CES4A: variants seen among roughly 807,000 people sequenced by gnomAD.
The protein encoded by CES4A is carboxylesterase 6.
Under a neutral mutation model 65.4 loss-of-function variants are expected in CES4A, and 48 were observed. The ratio of observed to expected loss-of-function variants is 0.73; its 90% CI spans 0.58 to 0.93. CES4A has a LOEUF of 0.93. Among genes scored for constraint, CES4A ranks in the 40% least tolerant of loss-of-function variants. The pLI is 0.00. For synonymous variants in CES4A, 247 were observed against 281.8 expected (o/e 0.88, Z 1.24); for missense variants, 685 against 728.5 (o/e 0.94, Z 0.69).
At chr16:66,996,414 T>C (rs1042396548) in intron 2 of CES4A, among the ~76,000 whole-genome samples, 2 of 152,142 alleles carry the variant, frequency 1.3e-5, no homozygotes, top group Non-Finnish European at 2.9e-5. Flanking sequence ...GCTGGGGAGC[T>C]GCGTTTTCCT....
chr16:67,005,314 G>A (rs1201089498), exon 11 of CES4A: 1 of 1,613,992 alleles, frequency 6.2e-7, no homozygotes, highest in African/African-American at 1.3e-5. Flanking sequence ...ACTGGAAGAT[G>A]CTACGAAACC....
At chr16:67,005,462 G>A (rs1396665174) in intron 11 of CES4A, 69 bp downstream of exon 11, 3 of 1,500,306 alleles carry the variant, frequency 2.0e-6, no homozygotes, top group South Asian at 2.4e-5. Flanking sequence ...TTACCAACTG[G>A]GCTTATCGAC....
chr16:67,003,198 G>A lies in CES4A; in HGVS notation c.795+24G>A. On this transcript the variant is annotated intron_variant, in intron 6 of 13. Coordinates refer to ENST00000648724, the Ensembl canonical transcript of CES4A. This position sits in a 1 kb window ranked among gnomAD's most constrained non-coding sequence, Gnocchi z 4.2. ...AGGTGAGTGCCTCTCCTTCCCCAGG[G>A]CTCAGCATGGAAGGGCAGGATGGAA... 2 of 1,612,156 alleles carry A rather than the reference G, an allele frequency of 1.2e-6. No individual in the cohort carries two copies.
In CES4A at chr16:67,001,139, G is replaced by T. The variant is rs982355935; in HGVS notation, c.536+149G>T. On this transcript the variant is annotated intron_variant, in intron 4 of 13. Coordinates refer to ENST00000648724, the Ensembl canonical transcript of CES4A. This position sits in a 1 kb window ranked among gnomAD's most constrained non-coding sequence, Gnocchi z 4.1. ...CTGGCGCTCGGTGGAAGGGGCGGGC[G>T]CTCCATACCATCTGGATGGGGCGAG... 11 of 1,373,366 alleles carry T rather than the reference G, an allele frequency of 8.0e-6. No individual in the cohort carries two copies. The East Asian group carries it at 2.3e-4, about 28-fold the overall frequency. The allele number at this position is 1,373,366 out of a possible 1,614,324, so 85.1% of individuals were successfully genotyped here. A position where few individuals can be genotyped will look rare whatever the true frequency, so the allele number is the denominator to read the frequency against.
At chr16:67,002,033 A>C (rs1479753644) in intron 5 of CES4A, among the ~76,000 whole-genome samples, 1 of 152,232 alleles carries the variant, frequency 6.6e-6, no homozygotes, top group Admixed American at 6.5e-5. Flanking sequence ...TAAGCACCTT[A>C]TGTGTCGTCA....
chr16:66,995,815 C>T, exon 2 of CES4A: 2 of 1,613,696 alleles, frequency 1.2e-6, no homozygotes, highest in Non-Finnish European at 1.7e-6. Context: ...GAGATGCTAC[C>T]ACCTACCCGC....
In CES4A at chr16:67,003,947, G is replaced by A; in HGVS notation, c.940-137G>A. 3.3e-6 allele frequency: 3 copies of A among 906,310 alleles called. No homozygotes were observed. Among genetic ancestry groups the A allele is most frequent in the Non-Finnish European group, 5.2e-6 (3 of 575,678 alleles). 56.1% of individuals were successfully genotyped at this position (906,310 alleles called of 1,614,324 possible). On this transcript the variant is annotated intron_variant, in intron 8 of 13. Transcript: ENST00000648724. This position sits in a 1 kb window ranked among gnomAD's most constrained non-coding sequence, Gnocchi z 4.2. ...CTCCCCTCCCACACCCATCCTCCTGGGGCTCACCATGCCAGCCCCAGCCTT... is the reference window on the plus strand; with the variant it reads ...CTCCCCTCCCACACCCATCCTCCTGAGGCTCACCATGCCAGCCCCAGCCTT...
At position 67,003,526 on chromosome 16, in the gene CES4A, A is replaced by G. The variant is rs116480085; in HGVS notation, c.912A>G (p.Gln304=). 7.0e-4 allele frequency: 1,125 copies of G among 1,613,636 alleles called. 8 individuals carry two copies. The African/African-American group carries it at 0.014, about 19-fold the overall frequency. ...CCTCTCCCCCATAGAGATTCCTCCA[A>G]CTGAACTTCCAGAGAGACCCGGAAG... Residue 304 remains glutamine, a synonymous_variant, in exon 8 of 14, where the codon CAA becomes CAG. Transcript: ENST00000648724. This position sits in a 1 kb window ranked among gnomAD's most constrained non-coding sequence, Gnocchi z 4.2.
In CES4A at chr16:67,001,008, C is replaced by T. The variant is rs1965276518; in HGVS notation, c.536+18C>T. On this transcript the variant is annotated intron_variant, in intron 4 of 13. Transcript: ENST00000648724. The surrounding 1 kb of genome is among the most constrained non-coding windows in gnomAD (Gnocchi z 4.1). ...TTCCTGAGGTGGCGGGGCCGGTACC[C>T]TTTGGGACCGCAGCTGTGGCCAGAG... The T allele has an allele frequency of 6.6e-7, 1 of 1,513,014 alleles. No homozygotes were observed. The highest frequency in any genetic ancestry group is 1.1e-5 in the South Asian group (1 of 89,604). The allele number at this position is 1,513,014 out of a possible 1,614,324, so 93.7% of individuals were successfully genotyped here.
In CES4A at chr16:67,003,475, G is replaced by C; in HGVS notation, c.901-40G>C. On this transcript the variant is annotated intron_variant, in intron 7 of 13. Transcript: ENST00000648724. The surrounding 1 kb of genome is among the most constrained non-coding windows in gnomAD (Gnocchi z 4.2). ...GACCCTGTCTCAAGAGCACACGAGG[G>C]AGACTTCCTTTAACTCTGATCCCTT... The C allele has an allele frequency of 6.2e-7, 1 of 1,606,206 alleles. No homozygotes were observed. The highest frequency in any genetic ancestry group is 2.2e-5 in the East Asian group (1 of 44,834).
In CES4A at chr16:67,000,615, C is replaced by G; in HGVS notation, c.261-23C>G. The G allele has an allele frequency of 1.3e-6, 2 of 1,530,814 alleles. No individual in the cohort carries two copies. The highest frequency in any genetic ancestry group is 1.8e-6 in the Non-Finnish European group (2 of 1,135,742). 94.8% of individuals were successfully genotyped at this position (1,530,814 alleles called of 1,614,324 possible). A position where few individuals can be genotyped will look rare whatever the true frequency, so the allele number is the denominator to read the frequency against. On this transcript the variant is annotated intron_variant, in intron 2 of 13. Coordinates refer to ENST00000648724, the Ensembl canonical transcript of CES4A. This position sits in a 1 kb window ranked among gnomAD's most constrained non-coding sequence, Gnocchi z 4.2. ...GATTGAAACGATCTCCCCGCGGCCG[C>G]CGCCGCTACCTGGTGCCCGCAGGTG...
At chr16:67,002,949 C>T (rs1274245221) in intron 5 of CES4A, 121 bp from the exon 6 acceptor site, 2 of 793,602 alleles carry the variant, frequency 2.5e-6, no homozygotes, top group Non-Finnish European at 4.4e-6. Flanking sequence ...TGACTCCCTC[C>T]CAGCTACTTG....
chr16:66,996,334 CTTG>C lies in CES4A; in HGVS notation c.260+512_260+514del, dbSNP rs1409829746. On this transcript the variant is annotated intron_variant, in intron 2 of 13. Coordinates refer to ENST00000648724, the Ensembl canonical transcript of CES4A. ...ACAGGCATGAGCCACTGCGCCTAGA[CTTG>C]TTGTTGGTTTCTTAGAGGAGAGCTC... 3.3e-5 allele frequency among the ~76,000 whole-genome samples: 5 copies of C among 152,294 alleles called. No individual in the cohort carries two copies. The East Asian group carries it at 7.7e-4, about 24-fold the overall frequency.
exon 1 of CES4A, chr16:66,988,687 C>T: frequency 6.5e-7 from 1 of 1,547,682 alleles, no homozygotes; most frequent in Non-Finnish European, 8.7e-7. Flanking sequence ...TGCTCACACA[C>T]TGTAGACACG....
chr16:67,005,481 T>C, intron 11 of CES4A, 88 bp downstream of exon 11: 1 of 1,261,258 alleles, frequency 7.9e-7, no homozygotes. Context: ...ACTGCTCCCC[T>C]ACCCTCTCTG....
At chr16:67,006,317 T>A in intron 11 of CES4A, 74 bp from the exon 12 acceptor site, 1 of 1,498,950 alleles carries the variant, frequency 6.7e-7, no homozygotes, top group Non-Finnish European at 9.0e-7. Context: ...TGCAGGTGAG[T>A]GGGAGGCATG....
In CES4A at chr16:67,003,411, C is replaced by G; in HGVS notation, c.900+51C>G. 1 of 1,596,670 alleles carries G rather than the reference C, an allele frequency of 6.3e-7. No homozygotes were observed. Among genetic ancestry groups the G allele is most frequent in the Non-Finnish European group, 8.6e-7 (1 of 1,164,404 alleles). ...ACCTGGCTGCCTGAGGGCCATCCTC[C>G]TATCCTGGTACCCAGCCACCCCCAA... is the stretch of plus-strand genomic sequence containing the variant. On this transcript the variant is annotated intron_variant, in intron 7 of 13. Transcript: ENST00000648724. The surrounding 1 kb of genome is among the most constrained non-coding windows in gnomAD (Gnocchi z 4.2).
Position 67,000,525 on chromosome 16 carries a change from A to C in CES4A, c.261-113A>C, listed in dbSNP as rs1314278838. The C allele has an allele frequency of 4.1e-6, 6 of 1,457,318 alleles. No homozygotes were observed. In the Admixed American group the frequency reaches 1.5e-4, roughly 37 times the overall value. 90.3% of individuals were successfully genotyped at this position (1,457,318 alleles called of 1,614,324 possible). A position where few individuals can be genotyped will look rare whatever the true frequency, so the allele number is the denominator to read the frequency against. On this transcript the variant is annotated intron_variant, in intron 2 of 13. Coordinates refer to ENST00000648724, the Ensembl canonical transcript of CES4A. The surrounding 1 kb of genome is among the most constrained non-coding windows in gnomAD (Gnocchi z 4.2). ...CGCACACGCACGCACATGCGCACGC[A>C]CACGCACGCGCACAGACGCTGCCTG...
exon 14 of CES4A, chr16:67,009,328 T>C (rs2145683865): frequency 3.6e-6 from 2 of 556,112 alleles, no homozygotes; most frequent in South Asian, 2.7e-5. Context: ...GCACTGCCCT[T>C]TCCAGCCTGA....
Sources: allele counts gnomAD v4.1 joint callset (sites outside exome capture counted in the v4.1 genomes callset), GRCh38; gene constraint gnomAD v4.1.1; non-coding constraint Gnocchi (gnomAD v3.1); transcripts MANE v1.5; gene names NCBI Gene and HGNC (gene_info 2026-07-23, HGNC 2026-07-21).